The following ZBTB20 variants were observed in gnomAD, a reference collection of about 807,000 sequenced individuals.
ZBTB20 encodes the protein zinc finger and BTB domain-containing protein 20.
Under a neutral mutation model 56.9 loss-of-function variants are expected in ZBTB20, and 9 were observed. The observed-to-expected ratio is 0.16, with a 90% CI of 0.10 to 0.28. The LOEUF (loss-of-function observed/expected upper bound fraction) is 0.28. ZBTB20 is among the 10% of genes least tolerant of loss of function. ZBTB20 has a pLI of 1.00. For synonymous variants in ZBTB20, 417 were observed against 420.7 expected, an observed-to-expected ratio of 0.99 and a Z score of 0.11; for missense variants, 655 against 1,003.0, an observed-to-expected ratio of 0.65 and a Z score of 4.69.
At chr3:114,744,883 CAAAGAGCCTAGAA>C (rs2066911262) in intron 5 of ZBTB20, among the ~76,000 whole-genome samples, 1 of 151,528 alleles carries the variant, frequency 6.6e-6, no homozygotes, top group African/African-American at 2.4e-5. Context: ...TGAATGTGTG[CAAAGAGCCTAGAA>C]AAAGAGCCTC....
At chr3:115,086,812 A>G (rs575817515) in intron 1 of ZBTB20, among the ~76,000 whole-genome samples, 1 of 151,960 alleles carries the variant, frequency 6.6e-6, no homozygotes, top group African/African-American at 2.4e-5. Context: ...GTTCTGTTGC[A>G]TATTCAGTTA....
At chr3:114,634,937 A>G (rs1369833695) in intron 6 of ZBTB20, among the ~76,000 whole-genome samples, 1 of 152,202 alleles carries the variant, frequency 6.6e-6, no homozygotes, top group African/African-American at 2.4e-5. Flanking sequence ...AGAAATGAGG[A>G]GGGCAACTCC....
intron 6 of ZBTB20, among the ~76,000 whole-genome samples, chr3:114,634,745 A>G (rs1216373746): frequency 6.6e-6 from 1 of 152,188 alleles, no homozygotes; most frequent in Non-Finnish European, 1.5e-5. Context: ...TTAGCTCAAC[A>G]CTGAGAGGAC....
intron 6 of ZBTB20, among the ~76,000 whole-genome samples, chr3:114,641,178 T>G (rs1348874829): frequency 6.6e-6 from 1 of 152,040 alleles, no homozygotes; most frequent in Admixed American, 6.6e-5. Flanking sequence ...GTTTTTCCCT[T>G]TCAACTTCTA....
At chr3:114,880,251 A>C (rs1208068683) in intron 4 of ZBTB20, among the ~76,000 whole-genome samples, 1 of 152,228 alleles carries the variant, frequency 6.6e-6, no homozygotes, top group African/African-American at 2.4e-5. Flanking sequence ...TAGCACGCAG[A>C]GTCCGGGCCG....
At chr3:114,719,760 C>G (rs1318807093) in intron 5 of ZBTB20, among the ~76,000 whole-genome samples, 1 of 152,032 alleles carries the variant, frequency 6.6e-6, no homozygotes, top group African/African-American at 2.4e-5. Flanking sequence ...TCCACATGGC[C>G]AGAGAATTCG....
intron 2 of ZBTB20, among the ~76,000 whole-genome samples, chr3:115,047,244 C>A (rs1285027347): frequency 6.6e-6 from 1 of 152,114 alleles, no homozygotes; most frequent in African/African-American, 2.4e-5. Flanking sequence ...TAAAAGTCAT[C>A]TATTTTGTAC....
chr3:114,363,392 T>C (rs572018844), intron 10 of ZBTB20, among the ~76,000 whole-genome samples: 1 of 152,334 alleles, frequency 6.6e-6, no homozygotes, highest in South Asian at 2.1e-4. Flanking sequence ...TGTTAGATTC[T>C]GTTTTTATCT....
At chr3:114,760,155 C>T (rs533458864) in intron 5 of ZBTB20, among the ~76,000 whole-genome samples, 35 of 152,084 alleles carry the variant, frequency 2.3e-4, no homozygotes, top group Middle Eastern at 6.8e-3. Flanking sequence ...TATTAATGTC[C>T]TTAATCTTAT....
intron 6 of ZBTB20, among the ~76,000 whole-genome samples, chr3:114,542,052 T>C (rs1214066224): frequency 6.6e-6 from 1 of 152,206 alleles, no homozygotes; most frequent in Non-Finnish European, 1.5e-5. Flanking sequence ...ACAATGATAA[T>C]TTAAAATTCA....
chr3:114,803,398 T>C (rs1295298888), intron 4 of ZBTB20, among the ~76,000 whole-genome samples: 1 of 151,856 alleles, frequency 6.6e-6, no homozygotes, highest in Non-Finnish European at 1.5e-5. Flanking sequence ...TAACCTCAAA[T>C]AGGACCACAA....
intron 6 of ZBTB20, among the ~76,000 whole-genome samples, chr3:114,609,296 A>C (rs1477532842): frequency 1.3e-5 from 2 of 152,236 alleles, no homozygotes; most frequent in Non-Finnish European, 2.9e-5. Flanking sequence ...TGAAGAAAAG[A>C]ATGGTCTATG....
intron 4 of ZBTB20, among the ~76,000 whole-genome samples, chr3:114,883,452 G>A (rs1033202270): frequency 3.3e-5 from 5 of 152,130 alleles, no homozygotes; most frequent in Non-Finnish European, 7.4e-5. Context: ...CAACCACGAA[G>A]CTGACTTGTT....
At chr3:114,458,817 G>GA (rs1293291078) in intron 7 of ZBTB20, among the ~76,000 whole-genome samples, 1 of 151,866 alleles carries the variant, frequency 6.6e-6, no homozygotes, top group African/African-American at 2.4e-5. Context: ...ATAAGCTTAG[G>GA]AAAGTTTGAC....
At chr3:114,766,489 ATGTG>A (rs71297433) in intron 5 of ZBTB20, among the ~76,000 whole-genome samples, 2,141 of 139,060 alleles carry the variant, frequency 0.015, 50 homozygotes, top group African/African-American at 0.047. Flanking sequence ...TGGGATGGAA[ATGTG>A]TGTGTGTGTG....
At chr3:114,562,546 G>A (rs1458167031) in intron 6 of ZBTB20, among the ~76,000 whole-genome samples, 1 of 152,200 alleles carries the variant, frequency 6.6e-6, no homozygotes, top group African/African-American at 2.4e-5. Flanking sequence ...TTTCACTAGA[G>A]TAGCACTTTT....
intron 10 of ZBTB20, among the ~76,000 whole-genome samples, chr3:114,375,164 C>T (rs1452780180): frequency 1.3e-5 from 2 of 152,202 alleles, no homozygotes; most frequent in Admixed American, 6.5e-5. Context: ...CTTCATTGAG[C>T]GTGTCTGCCT....
At chr3:114,787,295 G>A (rs2070571220) in intron 5 of ZBTB20, among the ~76,000 whole-genome samples, 1 of 142,568 alleles carries the variant, frequency 7.0e-6, no homozygotes, top group South Asian at 2.2e-4. Flanking sequence ...GAGTCTTAAT[G>A]CATCAAGCTG....
intron 10 of ZBTB20, among the ~76,000 whole-genome samples, chr3:114,371,288 T>C (rs769114274): frequency 3.3e-5 from 5 of 152,204 alleles, no homozygotes; most frequent in Non-Finnish European, 5.9e-5. Flanking sequence ...AATTCTCAGA[T>C]ACTGGTGATG....
Sources: allele counts gnomAD v4.1 joint callset (sites outside exome capture counted in the v4.1 genomes callset), GRCh38; gene constraint gnomAD v4.1.1; transcripts MANE v1.5; gene names NCBI Gene and HGNC (gene_info 2026-07-23, HGNC 2026-07-21).